AHI1: variants seen among roughly 807,000 people sequenced by gnomAD.
AHI1 encodes Abelson helper integration site 1.
A neutral mutation model predicts 149.3 loss-of-function variants in AHI1; 123 were observed. The observed-to-expected ratio is 0.82, with a 90% CI of 0.71 to 0.96. The LOEUF is 0.96. Ranked by LOEUF, AHI1 falls within the 40% of genes least tolerant of loss-of-function variation. The pLI is 0.00. For synonymous variants in AHI1, 475 were observed against 459.8 expected (o/e 1.03, Z -0.42); for missense variants, 1,439 against 1,422.7 (o/e 1.01, Z -0.18).
At chr6:135,310,640 T>TG (rs1306698442) in intron 26 of AHI1, among the ~76,000 whole-genome samples, 1 of 152,250 alleles carries the variant, frequency 6.6e-6, no homozygotes, top group African/African-American at 2.4e-5. Flanking sequence ...AGATTAGCTA[T>TG]AATAGATATT....
At chr6:135,442,286 C>T (rs1453691217) in intron 14 of AHI1, among the ~76,000 whole-genome samples, 1 of 152,128 alleles carries the variant, frequency 6.6e-6, no homozygotes, top group African/African-American at 2.4e-5. Flanking sequence ...TTTATTCATC[C>T]TTGTTTCCAA....
chr6:135,419,806 C>T (rs1303120476), intron 20 of AHI1, among the ~76,000 whole-genome samples: 1 of 152,022 alleles, frequency 6.6e-6, no homozygotes. Context: ...CTTACTTTCA[C>T]AAAAGATTTC....
chr6:135,462,692 T>C (rs1035210665), intron 8 of AHI1, among the ~76,000 whole-genome samples: 1 of 151,978 alleles, frequency 6.6e-6, no homozygotes, highest in Non-Finnish European at 1.5e-5. Flanking sequence ...CTTGAGGTCA[T>C]GAGTTCGAGA....
intron 22 of AHI1, among the ~76,000 whole-genome samples, chr6:135,397,444 T>C (rs1188247967): frequency 6.6e-6 from 1 of 152,002 alleles, no homozygotes; most frequent in South Asian, 2.1e-4. Flanking sequence ...AAAACCACAG[T>C]CTGCCAAAGT....
chr6:135,326,201 G>T (rs556386925), intron 24 of AHI1, among the ~76,000 whole-genome samples: 1 of 152,184 alleles, frequency 6.6e-6, no homozygotes, highest in East Asian at 1.9e-4. Flanking sequence ...CTCCCAATGT[G>T]AATGTATTTG....
chr6:135,448,605 G>A (rs2128059707), intron 11 of AHI1, 130 bp from the exon 12 acceptor site: 2 of 709,822 alleles, frequency 2.8e-6, no homozygotes, highest in Non-Finnish European at 2.1e-6. Flanking sequence ...GTTTTAAAAA[G>A]CAAAGAACAT....
intron 23 of AHI1, among the ~76,000 whole-genome samples, chr6:135,365,705 C>CT (rs1477685339): frequency 6.6e-6 from 1 of 152,108 alleles, no homozygotes; most frequent in Non-Finnish European, 1.5e-5. Flanking sequence ...GATCTAGGAG[C>CT]TTTTTGGATG....
At chr6:135,289,583 C>CT (rs1185451546) in intron 28 of AHI1, among the ~76,000 whole-genome samples, 1 of 151,960 alleles carries the variant, frequency 6.6e-6, no homozygotes, top group Non-Finnish European at 1.5e-5. Flanking sequence ...AATTCTATGA[C>CT]TTTTTTTCTT....
At chr6:135,357,882 T>C (rs2128436352) in intron 24 of AHI1, among the ~76,000 whole-genome samples, 1 of 152,314 alleles carries the variant, frequency 6.6e-6, no homozygotes, top group Non-Finnish European at 1.5e-5. Context: ...TCACTTTAAA[T>C]AATGATGCTA....
At chr6:135,316,261 A>C (rs1233839166) in intron 26 of AHI1, among the ~76,000 whole-genome samples, 1 of 152,116 alleles carries the variant, frequency 6.6e-6, no homozygotes, top group Non-Finnish European at 1.5e-5. Context: ...TTGTCTCCTT[A>C]ATATATAATT....
rs147460446 is a variant in AHI1 at position 135,434,395 on chromosome 6, G to A, written c.2037-1139C>T. On this transcript the variant is annotated intron_variant, in intron 15 of 28. Transcript: ENST00000265602. ...TTTTACCACAGTGTATTCTCAATAA[G>A]CATATTTATATGAAATATGATGCCT... Among the ~76,000 whole-genome samples, 381 of 151,906 alleles carry A rather than the reference G, an allele frequency of 2.5e-3. 1 individual carries two copies. The highest frequency in any genetic ancestry group is 0.014 in the Middle Eastern group (4 of 294).
At chr6:135,423,245 C>T (rs1429524668) in intron 20 of AHI1, among the ~76,000 whole-genome samples, 1 of 152,100 alleles carries the variant, frequency 6.6e-6, no homozygotes, top group Non-Finnish European at 1.5e-5. Flanking sequence ...CCCAAATTTA[C>T]TGATGATGCC....
At chr6:135,376,684 C>T (rs1440133167) in intron 23 of AHI1, among the ~76,000 whole-genome samples, 3 of 151,688 alleles carry the variant, frequency 2.0e-5, no homozygotes, top group Non-Finnish European at 4.4e-5. Context: ...GAGTTCGAGA[C>T]CAGCCTGACC....
chr6:135,437,951 A>G (rs186314244), intron 15 of AHI1, among the ~76,000 whole-genome samples: 4 of 152,334 alleles, frequency 2.6e-5, no homozygotes, highest in Admixed American at 2.0e-4. Flanking sequence ...CTGTTAAAAT[A>G]TAAGGTACAT....
At position 135,290,509 on chromosome 6, in the gene AHI1, CT is replaced by C. The variant is rs781680525; in HGVS notation, c.3501del (p.Glu1168AsnfsTer10). On this transcript the variant is annotated frameshift_variant, in exon 28 of 29. Coordinates refer to ENST00000265602, the MANE Select transcript of AHI1 (RefSeq NM_001134831.2). LOFTEE classifies it high-confidence loss of function. ...TGTCCTTGGTCCTCATGGCTCTGTTCTTTTCTCATTTCAGAACTATAGGAGG... is the reference window on the plus strand; with the variant it reads ...TGTCCTTGGTCCTCATGGCTCTGTTCTTTCTCATTTCAGAACTATAGGAGG... ...SESMTHSEMR[K>X]EQSHEDQGHI... 9 of 1,613,728 alleles carry C rather than the reference CT, an allele frequency of 5.6e-6. No homozygotes were observed. The highest frequency in any genetic ancestry group is 5.1e-6 in the Non-Finnish European group (6 of 1,179,814).
At chr6:135,411,326 C>A in intron 21 of AHI1, 22 bp downstream of exon 21, 1 of 1,602,242 alleles carries the variant, frequency 6.2e-7, no homozygotes, top group South Asian at 1.1e-5. Flanking sequence ...TTTAAAGTTT[C>A]AACTGCATAA....
intron 21 of AHI1, among the ~76,000 whole-genome samples, chr6:135,405,888 A>G (rs921955029): frequency 1.3e-5 from 2 of 151,572 alleles, no homozygotes; most frequent in African/African-American, 4.8e-5. Context: ...AAAAAAAAGA[A>G]AAAGAAAAAG....
intron 11 of AHI1, among the ~76,000 whole-genome samples, chr6:135,452,919 C>T (rs1024576153): frequency 2.0e-5 from 3 of 152,060 alleles, no homozygotes; most frequent in Admixed American, 6.6e-5. Context: ...TACCTCTTTA[C>T]GATATTTATA....
chr6:135,291,266 A>G (rs1782320296), intron 27 of AHI1, among the ~76,000 whole-genome samples: 1 of 152,204 alleles, frequency 6.6e-6, no homozygotes, highest in Admixed American at 6.5e-5. Context: ...ATTAAATAGG[A>G]CTGAATAGAG....
Sources: gnomAD v4.1 joint callset for allele counts (sites outside exome capture counted in the v4.1 genomes callset) on GRCh38, gnomAD v4.1.1 for gene constraint, MANE v1.5 for transcripts, NCBI Gene and HGNC (gene_info 2026-07-23, HGNC 2026-07-21) for gene names.